The following ALK variants were observed in gnomAD, a reference collection of about 807,000 sequenced individuals.
ALK encodes the protein ALK tyrosine kinase receptor.
ALK carries 74 observed loss-of-function variants against 163.1 expected under a neutral mutation model. That is an observed-to-expected ratio of 0.45 (90% CI 0.38 to 0.55). The LOEUF is 0.55. Ranked by LOEUF, ALK falls within the 20% of genes least tolerant of loss-of-function variation. The pLI is 0.00. For synonymous variants in ALK, 960 were observed against 843.2 expected (o/e 1.14, Z -2.40); for missense variants, 2,063 against 2,105.3 (o/e 0.98, Z 0.39).
At chr2:29,393,384 C>G (rs1270818935) in intron 4 of ALK, among the ~76,000 whole-genome samples, 3 of 152,216 alleles carry the variant, frequency 2.0e-5, no homozygotes, top group Non-Finnish European at 4.4e-5. Flanking sequence ...TCCCCTGGAG[C>G]AAGCCATAAA....
intron 3 of ALK, among the ~76,000 whole-genome samples, chr2:29,665,881 T>C (rs907537304): frequency 6.6e-6 from 1 of 152,142 alleles, no homozygotes; most frequent in African/African-American, 2.4e-5. Context: ...TTCACTTACG[T>C]AAGATCAACC....
intron 1 of ALK, among the ~76,000 whole-genome samples, chr2:29,740,930 A>G (rs879521683): frequency 1.2e-4 from 18 of 152,208 alleles, no homozygotes; most frequent in Non-Finnish European, 2.4e-4. Flanking sequence ...TGAACCCAGG[A>G]GGCAGAGGTT....
intron 4 of ALK, among the ~76,000 whole-genome samples, chr2:29,522,760 G>T (rs1393456175): frequency 6.6e-6 from 1 of 152,174 alleles, no homozygotes; most frequent in Non-Finnish European, 1.5e-5. Context: ...GGGGACTGAA[G>T]GGACAACAGG....
intron 1 of ALK, among the ~76,000 whole-genome samples, chr2:29,822,424 G>C (rs888336488): frequency 1.3e-5 from 2 of 152,256 alleles, no homozygotes; most frequent in Non-Finnish European, 2.9e-5. Context: ...ATGTGGCCAA[G>C]TCTGAATTCT....
chr2:29,798,459 A>G (rs544121528), intron 1 of ALK, among the ~76,000 whole-genome samples: 25 of 152,348 alleles, frequency 1.6e-4, no homozygotes, highest in African/African-American at 6.0e-4. Context: ...AAATTTAGAA[A>G]CCATACATGA....
intron 4 of ALK, among the ~76,000 whole-genome samples, chr2:29,406,815 C>T (rs1428324637): frequency 6.7e-6 from 1 of 150,312 alleles, no homozygotes; most frequent in African/African-American, 2.5e-5. Flanking sequence ...AGGAGAATGG[C>T]TTGAACCCGG....
At chr2:29,525,420 C>A (rs1334592991) in intron 4 of ALK, among the ~76,000 whole-genome samples, 1 of 152,150 alleles carries the variant, frequency 6.6e-6, no homozygotes, top group Non-Finnish European at 1.5e-5. Context: ...TTGGTGCACA[C>A]CCAGAATCCC....
chr2:29,260,369 C>T (rs537225127), intron 11 of ALK, among the ~76,000 whole-genome samples: 13 of 152,232 alleles, frequency 8.5e-5, no homozygotes, highest in East Asian at 7.7e-4. Flanking sequence ...CGTGTTATTC[C>T]GCCCTCTGTA....
intron 4 of ALK, among the ~76,000 whole-genome samples, chr2:29,471,469 G>A (rs1222175495): frequency 6.6e-6 from 1 of 152,118 alleles, no homozygotes; most frequent in Non-Finnish European, 1.5e-5. Flanking sequence ...CAGTATATAA[G>A]GTTGGTTTAA....
chr2:29,659,833 T>C (rs1173973071), intron 3 of ALK, among the ~76,000 whole-genome samples: 3 of 152,126 alleles, frequency 2.0e-5, no homozygotes, highest in Non-Finnish European at 4.4e-5. Context: ...AGAGGAGCCC[T>C]CTCTCCCTGC....
intron 2 of ALK, among the ~76,000 whole-genome samples, chr2:29,695,859 C>T (rs1678541938): frequency 6.6e-6 from 1 of 152,126 alleles, no homozygotes; most frequent in African/African-American, 2.4e-5. Context: ...AAAAAGGAAA[C>T]AGATGCTGGA....
chr2:29,877,682 G>A (rs904350463), intron 1 of ALK, among the ~76,000 whole-genome samples: 15 of 152,140 alleles, frequency 9.9e-5, no homozygotes, highest in African/African-American at 3.4e-4. Context: ...TTTCACAGAC[G>A]TAGCAGCATA....
At chr2:29,860,392 GAAA>G (rs61057760) in intron 1 of ALK, among the ~76,000 whole-genome samples, 2 of 110,398 alleles carry the variant, frequency 1.8e-5, no homozygotes, top group African/African-American at 7.0e-5. Context: ...AGGAAAGGGA[GAAA>G]AAAAAAAAAA....
intron 4 of ALK, among the ~76,000 whole-genome samples, chr2:29,477,953 C>T (rs781499327): frequency 5.9e-5 from 9 of 152,168 alleles, no homozygotes; most frequent in Non-Finnish European, 1.0e-4. Context: ...GCAGATAACA[C>T]GTTGATTTTA....
intron 1 of ALK, among the ~76,000 whole-genome samples, chr2:29,726,406 T>TAC (rs1679576934): frequency 6.6e-6 from 1 of 152,180 alleles, no homozygotes; most frequent in South Asian, 2.1e-4. Context: ...ATAATTAATA[T>TAC]ACTGAAAGCG....
In ALK at chr2:29,616,103, G is replaced by A. The variant is rs73921129; in HGVS notation, c.952+78747C>T. Among the ~76,000 whole-genome samples, 632 of 152,334 alleles carry A rather than the reference G, an allele frequency of 4.1e-3. 2 individuals are homozygous for A. The highest frequency in any genetic ancestry group is 0.015 in the African/African-American group (610 of 41,570). ...CCGACATCTCTACAGCGGACCTCAC[G>A]GAGTCACAGCCAGGCATATTATGTC... On this transcript the variant is annotated intron_variant, in intron 3 of 28. Coordinates refer to ENST00000389048, the MANE Select transcript of ALK (RefSeq NM_004304.5).
At chr2:29,825,649 T>C (rs116390777) in intron 1 of ALK, among the ~76,000 whole-genome samples, 1,723 of 152,162 alleles carry the variant, frequency 0.011, 41 homozygotes, top group African/African-American at 0.039. Context: ...GAGAAAATCA[T>C]TGAGTGATTT....
chr2:29,577,958 A>AC (rs909959546), intron 3 of ALK, among the ~76,000 whole-genome samples: 7 of 152,004 alleles, frequency 4.6e-5, no homozygotes, highest in Admixed American at 2.6e-4. Flanking sequence ...CCAGGGTGGC[A>AC]CCCCCTAGTT....
intron 12 of ALK, among the ~76,000 whole-genome samples, chr2:29,247,427 G>C (rs1315179780): frequency 1.3e-5 from 2 of 152,256 alleles, no homozygotes; most frequent in African/African-American, 4.8e-5. Flanking sequence ...AGCTCTCAGA[G>C]GAAGGGGTAA....
Sources: gnomAD v4.1 joint callset for allele counts (sites outside exome capture counted in the v4.1 genomes callset) on GRCh38, gnomAD v4.1.1 for gene constraint, MANE v1.5 for transcripts, NCBI Gene and HGNC (gene_info 2026-07-23, HGNC 2026-07-21) for gene names.